The following TNNI3K variants were observed in gnomAD, a reference collection of about 807,000 sequenced individuals.
The protein encoded by TNNI3K is TNNI3 interacting kinase.
In TNNI3K, 140 loss-of-function variants were observed where a neutral mutation model predicts 114.5. The ratio of observed to expected loss-of-function variants is 1.22; its 90% CI spans 1.07 to 1.41. The LOEUF (loss-of-function observed/expected upper bound fraction) is 1.41. TNNI3K is among the 40% of genes most tolerant of loss of function. The pLI is 0.00. For synonymous variants in TNNI3K, 347 were observed against 347.5 expected (o/e 1.00, Z 0.02); for missense variants, 1,125 against 1,007.6 (o/e 1.12, Z -1.58).
chr1:74,417,366 G>C (rs988935754), intron 17 of TNNI3K, among the ~76,000 whole-genome samples: 1 of 152,046 alleles, frequency 6.6e-6, no homozygotes, highest in Non-Finnish European at 1.5e-5. Context: ...ACTAATGCAG[G>C]CCCATGTCCT....
At chr1:74,280,874 T>C (rs186539818) in intron 5 of TNNI3K, among the ~76,000 whole-genome samples, 1 of 152,120 alleles carries the variant, frequency 6.6e-6, no homozygotes, top group Admixed American at 6.5e-5. Context: ...GCATCACCCA[T>C]CTCCCAACTC....
intron 17 of TNNI3K, among the ~76,000 whole-genome samples, chr1:74,386,224 G>A (rs1433489362): frequency 1.3e-5 from 2 of 152,110 alleles, no homozygotes; most frequent in East Asian, 1.9e-4. Flanking sequence ...TATTGTGTAC[G>A]TCTTTATTAG....
chr1:74,285,784 A>G (rs1657295417), intron 5 of TNNI3K, among the ~76,000 whole-genome samples: 1 of 152,208 alleles, frequency 6.6e-6, no homozygotes, highest in Non-Finnish European at 1.5e-5. Flanking sequence ...CTCTCCATAA[A>G]AGCAGAAGAG....
chr1:74,354,043 C>T lies in TNNI3K; in HGVS notation c.1091C>T (p.Ala364Val), dbSNP rs1203857831. Residue 364 changes from alanine (A) to valine (V), a missense_variant, in exon 11 of 25, where the codon GCT becomes GTT. Coordinates refer to ENST00000326637, the MANE Select transcript of TNNI3K (RefSeq NM_015978.3). ...RLVQFLLDNG[A>V]DMNLVACDPS... ...GTTCAGTTCTTACTGGATAATGGAG[C>T]TGATATGAATCTAGTGGCTTGTGAT... 1 of 1,613,894 alleles carries T rather than the reference C, an allele frequency of 6.2e-7. No individual in the cohort carries two copies. The highest frequency in any genetic ancestry group is 8.5e-7 in the Non-Finnish European group (1 of 1,180,018).
chr1:74,472,140 T>G (rs1018467534), intron 21 of TNNI3K: 8 of 717,170 alleles, frequency 1.1e-5, no homozygotes, highest in African/African-American at 7.0e-5. Flanking sequence ...TCTCAAGACT[T>G]TCTCCTGCCA....
chr1:74,342,519 G>A (rs1660796625), intron 7 of TNNI3K, among the ~76,000 whole-genome samples: 1 of 152,062 alleles, frequency 6.6e-6, no homozygotes, highest in Admixed American at 6.6e-5. Flanking sequence ...TTTGAAATGT[G>A]ATCCTTGTAG....
At chr1:74,293,599 T>A (rs1410269369) in intron 5 of TNNI3K, among the ~76,000 whole-genome samples, 1 of 151,684 alleles carries the variant, frequency 6.6e-6, no homozygotes. Context: ...TTTTGTTTAA[T>A]TCACATTTTA....
intron 17 of TNNI3K, among the ~76,000 whole-genome samples, chr1:74,414,484 C>A (rs1005114664): frequency 6.6e-6 from 1 of 152,114 alleles, no homozygotes; most frequent in East Asian, 1.9e-4. Context: ...AGTGTTGATG[C>A]CTTTTAAATT....
chr1:74,253,029 A>G (rs496720), intron 4 of TNNI3K, among the ~76,000 whole-genome samples: 130,448 of 152,090 alleles, frequency 0.86, 56,021 homozygotes, highest in Middle Eastern at 0.91. Context: ...CATTTTGACA[A>G]GGTGCTGATT....
intron 5 of TNNI3K, among the ~76,000 whole-genome samples, chr1:74,322,174 T>C (rs564828764): frequency 1.6e-4 from 25 of 152,298 alleles, no homozygotes; most frequent in African/African-American, 6.0e-4. Flanking sequence ...TTGAGAATTA[T>C]GTTCAAATCT....
intron 4 of TNNI3K, among the ~76,000 whole-genome samples, chr1:74,265,402 C>T (rs1027018710): frequency 4.0e-5 from 6 of 151,880 alleles, no homozygotes; most frequent in Non-Finnish European, 8.8e-5. Context: ...CTTTTACCAC[C>T]ACCTTACTCA....
chr1:74,453,490 G>A (rs1667108907), intron 20 of TNNI3K, among the ~76,000 whole-genome samples: 1 of 152,100 alleles, frequency 6.6e-6, no homozygotes, highest in South Asian at 2.1e-4. Context: ...AAGTGAGACA[G>A]CATTATCAAT....
At chr1:74,463,930 T>G (rs756544297) in intron 21 of TNNI3K, among the ~76,000 whole-genome samples, 1 of 152,232 alleles carries the variant, frequency 6.6e-6, no homozygotes, top group Admixed American at 6.5e-5. Context: ...GGCCTCAGAA[T>G]AGGTGGTCTT....
intron 20 of TNNI3K, among the ~76,000 whole-genome samples, chr1:74,454,672 T>C (rs893884541): frequency 2.6e-5 from 4 of 152,198 alleles, no homozygotes; most frequent in Non-Finnish European, 4.4e-5. Flanking sequence ...TGTGCTGCAG[T>C]AAACATGGGA....
At chr1:74,309,095 G>A (rs1389345492) in intron 5 of TNNI3K, among the ~76,000 whole-genome samples, 4 of 152,064 alleles carry the variant, frequency 2.6e-5, no homozygotes, top group South Asian at 2.1e-4. Flanking sequence ...TAGGCCGGGC[G>A]CGGTGGCTCA....
intron 5 of TNNI3K, among the ~76,000 whole-genome samples, chr1:74,324,246 G>C (rs1373634141): frequency 3.3e-5 from 5 of 152,208 alleles, no homozygotes; most frequent in Non-Finnish European, 5.9e-5. Context: ...TATCTGACCT[G>C]TGTCCAGTAT....
chr1:74,450,145 C>T (rs1666921097), intron 20 of TNNI3K, among the ~76,000 whole-genome samples: 2 of 147,006 alleles, frequency 1.4e-5, no homozygotes, highest in African/African-American at 5.1e-5. Context: ...CAACCTGCTC[C>T]TGAATGACTA....
intron 20 of TNNI3K, among the ~76,000 whole-genome samples, chr1:74,460,417 T>C (rs1041634478): frequency 2.0e-5 from 3 of 152,236 alleles, no homozygotes; most frequent in African/African-American, 7.2e-5. Context: ...TCTACTAAAC[T>C]ATTGATAAAT....
intron 23 of TNNI3K, among the ~76,000 whole-genome samples, chr1:74,538,279 T>C (rs1646684010): frequency 6.6e-6 from 1 of 152,114 alleles, no homozygotes; most frequent in Non-Finnish European, 1.5e-5. Context: ...ACTTGGTATA[T>C]CGGCTTGGGG....
Sources: allele counts gnomAD v4.1 joint callset (sites outside exome capture counted in the v4.1 genomes callset), GRCh38; gene constraint gnomAD v4.1.1; transcripts MANE v1.5; gene names NCBI Gene and HGNC (gene_info 2026-07-23, HGNC 2026-07-21).